Variants in CALN1 observed in about 807,000 individuals in gnomAD.
CALN1 encodes the protein calneuron 1.
CALN1 carries 17 observed loss-of-function variants against 30.6 expected under a neutral mutation model. The observed-to-expected ratio is 0.56, with a 90% CI of 0.38 to 0.83. The LOEUF (loss-of-function observed/expected upper bound fraction) is 0.83. CALN1 is among the 40% of genes least tolerant of loss of function. The probability of loss-of-function intolerance (pLI) is 0.00; values close to 1 mark genes in which losing one functional copy is unlikely to be tolerated. For synonymous variants in CALN1, 156 were observed against 131.4 expected (o/e 1.19, Z -1.28); for missense variants, 291 against 354.9 (o/e 0.82, Z 1.45).
At chr7:72,432,597 C>T (rs979692543) in intron 1 of CALN1, among the ~76,000 whole-genome samples, 3 of 152,210 alleles carry the variant, frequency 2.0e-5, no homozygotes, top group African/African-American at 4.8e-5. Context: ...CCATCCTTGC[C>T]TTCCCGGACT....
At chr7:72,421,999 T>C (rs1189729840) in intron 1 of CALN1, among the ~76,000 whole-genome samples, 2 of 152,218 alleles carry the variant, frequency 1.3e-5, no homozygotes, top group East Asian at 1.9e-4. Context: ...ATGGTGTATA[T>C]ATACCACATT....
chr7:72,066,347 C>T (rs1366783575), intron 4 of CALN1, among the ~76,000 whole-genome samples: 1 of 152,190 alleles, frequency 6.6e-6, no homozygotes, highest in East Asian at 1.9e-4. Flanking sequence ...TCACCCAGTC[C>T]TACTTCTACC....
chr7:72,242,431 G>C (rs1035509765), intron 3 of CALN1, among the ~76,000 whole-genome samples: 1 of 152,142 alleles, frequency 6.6e-6, no homozygotes, highest in African/African-American at 2.4e-5. Context: ...TTGGGAGTAA[G>C]AGAGAACAAC....
At chr7:72,208,824 G>A (rs1475468098) in intron 3 of CALN1, among the ~76,000 whole-genome samples, 1 of 152,184 alleles carries the variant, frequency 6.6e-6, no homozygotes. Context: ...AAAAGCAGGA[G>A]AAGTGAATAC....
At chr7:72,219,952 T>C (rs1793153210) in intron 3 of CALN1, among the ~76,000 whole-genome samples, 1 of 151,928 alleles carries the variant, frequency 6.6e-6, no homozygotes. Context: ...TAAAAAAAAA[T>C]TCAACCTCAC....
intron 5 of CALN1, among the ~76,000 whole-genome samples, chr7:71,886,629 C>T (rs893780352): frequency 2.6e-5 from 4 of 151,936 alleles, no homozygotes; most frequent in African/African-American, 9.7e-5. Flanking sequence ...AAAAATTAGC[C>T]AGGCTTGGTG....
intron 5 of CALN1, among the ~76,000 whole-genome samples, chr7:71,994,253 T>C (rs1339827743): frequency 6.6e-6 from 1 of 152,232 alleles, no homozygotes; most frequent in South Asian, 2.1e-4. Flanking sequence ...GGCCCATGCC[T>C]ATAATCCCAG....
At chr7:72,259,318 C>A (rs981262980) in intron 3 of CALN1, among the ~76,000 whole-genome samples, 1 of 151,876 alleles carries the variant, frequency 6.6e-6, no homozygotes, top group African/African-American at 2.4e-5. Context: ...CTTTGAGTCC[C>A]AGAAATCAAT....
rs191780606 is a variant in CALN1, at chr7:72,247,400, A to G, written c.244+31286T>C. 8.0e-3 allele frequency among the ~76,000 whole-genome samples: 1,215 copies of G among 151,014 alleles called. 20 individuals are homozygous for G. Among genetic ancestry groups the G allele is most frequent in the Middle Eastern group, 0.017 (5 of 290 alleles). On this transcript the variant is annotated intron_variant, in intron 3 of 6. Transcript: ENST00000395275. ...ATAGCTGGGACTACAGGTGCCCGCCACCACGCCCAACTAATTTTTTGTATT... is the reference window on the plus strand; with the variant it reads ...ATAGCTGGGACTACAGGTGCCCGCCGCCACGCCCAACTAATTTTTTGTATT...
At chr7:71,825,744 A>C (rs994119803) in intron 5 of CALN1, among the ~76,000 whole-genome samples, 1 of 152,116 alleles carries the variant, frequency 6.6e-6, no homozygotes, top group African/African-American at 2.4e-5. Context: ...TTCAAAGCAG[A>C]AAGCAGGGCT....
At chr7:72,028,574 C>T (rs6961755) in intron 4 of CALN1, among the ~76,000 whole-genome samples, 5,377 of 152,278 alleles carry the variant, frequency 0.035, 347 homozygotes, top group African/African-American at 0.12. Context: ...GTGGAGTACA[C>T]GTGACTTGGC....
intron 4 of CALN1, among the ~76,000 whole-genome samples, chr7:72,090,872 A>G (rs1805811887): frequency 1.3e-5 from 2 of 152,202 alleles, no homozygotes; most frequent in Non-Finnish European, 2.9e-5. Flanking sequence ...AGCTTAAAAA[A>G]AATATTGAAC....
chr7:72,389,981 A>G (rs765941485), intron 2 of CALN1, among the ~76,000 whole-genome samples: 1 of 151,806 alleles, frequency 6.6e-6, no homozygotes, highest in African/African-American at 2.4e-5. Flanking sequence ...AACAAGCACT[A>G]GTTTGATATT....
chr7:72,429,132 A>G lies in CALN1; in HGVS notation c.-225-16857T>C, dbSNP rs143852718. Among the ~76,000 whole-genome samples, 639 of 152,324 alleles carry G rather than the reference A, an allele frequency of 4.2e-3. 5 individuals are homozygous for G. Among genetic ancestry groups the G allele is most frequent in the Non-Finnish European group, 6.5e-3 (440 of 68,030 alleles). On this transcript the variant is annotated intron_variant, in intron 1 of 6. Transcript: ENST00000395276. ...TTCATGAAGTCCAGGGTAGAATGCA[A>G]AATTACTAGACATACCATAAACAGG... is the stretch of plus-strand genomic sequence containing the variant.
intron 3 of CALN1, among the ~76,000 whole-genome samples, chr7:72,133,532 T>C (rs770616884): frequency 2.0e-5 from 3 of 152,210 alleles, no homozygotes; most frequent in Non-Finnish European, 2.9e-5. Context: ...ACTTTAGTAA[T>C]AACTGATTCA....
intron 3 of CALN1, among the ~76,000 whole-genome samples, chr7:72,142,160 G>A (rs185058588): frequency 6.2e-4 from 94 of 152,294 alleles, no homozygotes; most frequent in African/African-American, 1.8e-3. Context: ...AGCATGAGCC[G>A]AAGCAGGGTG....
chr7:72,413,588 A>G (rs534413481), upstream of CALN1, among the ~76,000 whole-genome samples: 2 of 151,924 alleles, frequency 1.3e-5, no homozygotes, highest in East Asian at 1.9e-4. Flanking sequence ...ACACTCATAC[A>G]TATACACACT....
At chr7:72,457,004 C>CTTTTT in the CALN1 span, among the ~76,000 whole-genome samples, 82 of 106,570 alleles carry the variant, frequency 7.7e-4, no homozygotes, top group Non-Finnish European at 1.1e-3. Flanking sequence ...TTCTTTCTTT[C>CTTTTT]TTTTTTTTTT....
chr7:72,136,966 A>C (rs1268036080), intron 3 of CALN1, among the ~76,000 whole-genome samples: 1 of 152,002 alleles, frequency 6.6e-6, no homozygotes, highest in Non-Finnish European at 1.5e-5. Context: ...AATTAAAGAA[A>C]GAGGAAAGAA....
Sources: allele counts gnomAD v4.1 joint callset (sites outside exome capture counted in the v4.1 genomes callset), GRCh38; gene constraint gnomAD v4.1.1; transcripts MANE v1.5; gene names NCBI Gene and HGNC (gene_info 2026-07-23, HGNC 2026-07-21).